The following LHPP variants were observed in gnomAD, a reference collection of about 807,000 sequenced individuals.
The protein encoded by LHPP is phospholysine phosphohistidine inorganic pyrophosphate phosphatase.
In LHPP, 24 loss-of-function variants were observed where a neutral mutation model predicts 30.3. The observed-to-expected ratio is 0.79, with a 90% CI of 0.57 to 1.11. LHPP has a LOEUF of 1.11. LHPP is among the 50% of genes most tolerant of loss of function. The pLI is 0.00. For synonymous variants in LHPP, 150 were observed against 157.1 expected, an observed-to-expected ratio of 0.95 and a Z score of 0.34; for missense variants, 356 against 367.2, an observed-to-expected ratio of 0.97 and a Z score of 0.25.
intron 1 of LHPP, among the ~76,000 whole-genome samples, chr10:124,468,497 C>T (rs1255464104): frequency 2.0e-5 from 3 of 152,176 alleles, no homozygotes; most frequent in Non-Finnish European, 4.4e-5. Context: ...CCTGCAGAAC[C>T]GATGGCCTGG....
Position 124,492,537 on chromosome 10 carries a change from T to C in LHPP, c.467+3962T>C, listed in dbSNP as rs935561438. ...TTGTTCTTGTAAAGCCTGCAACTGG[T>C]TGGATGTGGTCCACCCACATTGCGG... On this transcript the variant is annotated intron_variant, in intron 3 of 6. Coordinates refer to ENST00000368842, the MANE Select transcript of LHPP (RefSeq NM_022126.4). Among the ~76,000 whole-genome samples the C allele has an allele frequency of 3.3e-5, 5 of 152,152 alleles. No individual in the cohort carries two copies. The East Asian group carries it at 9.6e-4, about 29-fold the overall frequency.
At chr10:124,599,236 C>T (rs1948992033) in intron 6 of LHPP, among the ~76,000 whole-genome samples, 1 of 152,172 alleles carries the variant, frequency 6.6e-6, no homozygotes, top group Non-Finnish European at 1.5e-5. Flanking sequence ...CCTGTCCATC[C>T]CTGTGCATGC....
chr10:124,479,426 G>A (rs1038872024), intron 1 of LHPP, among the ~76,000 whole-genome samples: 87 of 152,356 alleles, frequency 5.7e-4, no homozygotes, highest in African/African-American at 1.6e-3. Flanking sequence ...CAGGCCCCAC[G>A]GAGGGATGAC....
In LHPP at chr10:124,613,663, T is replaced by G. The variant is rs1949232684; in HGVS notation, c.*303T>G. 4.3e-6 allele frequency: 2 copies of G among 468,324 alleles called. No individual in the cohort carries two copies. The highest frequency in any genetic ancestry group is 6.9e-5 in the Admixed American group (2 of 29,034). 29.0% of individuals were successfully genotyped at this position (468,324 alleles called of 1,614,324 possible). On this transcript the variant is annotated 3_prime_UTR_variant, in exon 7 of 7. Coordinates refer to ENST00000368842, the MANE Select transcript of LHPP (RefSeq NM_022126.4). ...GAAGTCCAGGAGGGTGGGACAGGCC[T>G]GTCAGGCCTCTGGGAATCTCCCAAA... is the stretch of plus-strand genomic sequence containing the variant.
rs936905807 is a variant in LHPP at position 124,517,935 on chromosome 10, G to A, written c.716+664G>A. ...GCCTTGCCTTATGCTAGATGGTTTC[G>A]ATTGTGGCCATTCAGAGAAAGTACA... On this transcript the variant is annotated intron_variant, in intron 6 of 6. Coordinates refer to ENST00000368842, the MANE Select transcript of LHPP (RefSeq NM_022126.4). The surrounding 1 kb of genome is among the most constrained non-coding windows in gnomAD (Gnocchi z 4.1). 2.6e-5 allele frequency among the ~76,000 whole-genome samples: 4 copies of A among 152,332 alleles called. No homozygotes were observed. Among genetic ancestry groups the A allele is most frequent in the South Asian group, 4.1e-4 (2 of 4,820 alleles).
At chr10:124,528,792 G>A (rs913718501) in intron 6 of LHPP, among the ~76,000 whole-genome samples, 3 of 138,446 alleles carry the variant, frequency 2.2e-5, no homozygotes, top group East Asian at 4.4e-4. Flanking sequence ...TTGAGGATGT[G>A]GGGGATCGAG....
At position 124,496,387 on chromosome 10, in the gene LHPP, G is replaced by A. The variant is rs1953709838; in HGVS notation, c.468-574G>A. Among the ~76,000 whole-genome samples the A allele has an allele frequency of 6.6e-6, 1 of 152,172 alleles. No individual in the cohort carries two copies. The highest frequency in any genetic ancestry group is 2.4e-5 in the African/African-American group (1 of 41,442). The stretch of plus-strand genomic sequence containing the variant: ...AGGAATGCTCCCTCGTGCAGAGCCT[G>A]TCTCCACCTCCATGAGACGGGAAGG... On this transcript the variant is annotated intron_variant, in intron 3 of 6. Coordinates refer to ENST00000368842, the MANE Select transcript of LHPP (RefSeq NM_022126.4). The surrounding 1 kb of genome is among the most constrained non-coding windows in gnomAD (Gnocchi z 4.3).
intron 6 of LHPP, among the ~76,000 whole-genome samples, chr10:124,594,275 A>G (rs1206245005): frequency 2.9e-5 from 4 of 136,076 alleles, no homozygotes; most frequent in African/African-American, 8.0e-5. Context: ...GGTTGTAGTG[A>G]GCCAAGATCA....
rs923093502 is a variant in LHPP at position 124,507,087 on chromosome 10, G to A, written c.624+8959G>A. 1.1e-3 allele frequency among the ~76,000 whole-genome samples: 23 copies of A among 21,874 alleles called. 3 individuals carry two copies. The highest frequency in any genetic ancestry group is 1.1e-3 in the Non-Finnish European group (15 of 13,386). The allele number at this position is 21,874 out of a possible 152,430, so 14.4% of individuals were successfully genotyped here. On this transcript the variant is annotated intron_variant, in intron 5 of 6. Coordinates refer to ENST00000368842, the MANE Select transcript of LHPP (RefSeq NM_022126.4). ...AGGGGTAGACAGGATTTCAGGTGGG[G>A]GGGTAGGGAGGATTTCAGGTGCAGG...
At chr10:124,508,486 A>C (rs867036714) in intron 5 of LHPP, among the ~76,000 whole-genome samples, 7 of 152,090 alleles carry the variant, frequency 4.6e-5, no homozygotes, top group Non-Finnish European at 7.4e-5. Context: ...CGGGAGTTGC[A>C]GGAGCTTCCG....
chr10:124,527,056 G>A (rs894500687), intron 6 of LHPP, among the ~76,000 whole-genome samples: 2 of 152,268 alleles, frequency 1.3e-5, no homozygotes, highest in Admixed American at 6.5e-5. Context: ...GCCAGAGCCT[G>A]CCCGCCACAG....
At chr10:124,497,384 G>C (rs955680564) in intron 4 of LHPP, among the ~76,000 whole-genome samples, 9 of 152,054 alleles carry the variant, frequency 5.9e-5, no homozygotes, top group African/African-American at 2.2e-4. Context: ...TGTGGCTTCT[G>C]TATCAGTGCT....
At chr10:124,572,371 C>T (rs1164246115) in intron 6 of LHPP, among the ~76,000 whole-genome samples, 1 of 152,028 alleles carries the variant, frequency 6.6e-6, no homozygotes, top group South Asian at 2.1e-4. Flanking sequence ...TGGCTCACGC[C>T]TGTAATCCCA....
intron 6 of LHPP, among the ~76,000 whole-genome samples, chr10:124,550,456 G>A (rs1326271369): frequency 6.6e-6 from 1 of 152,234 alleles, no homozygotes; most frequent in African/African-American, 2.4e-5. Flanking sequence ...CAAAGTGAGT[G>A]CGCCTGCTTT....
In LHPP at chr10:124,517,286, G is replaced by A. The variant is rs1259749367; in HGVS notation, c.716+15G>A. ...GGGAAGTTCAGGTCAGTGCCAGCTG[G>A]AGTCATTTATTCACCTTCCTTCCAG... On this transcript the variant is annotated intron_variant, in intron 6 of 6. Transcript: ENST00000368842. This position sits in a 1 kb window ranked among gnomAD's most constrained non-coding sequence, Gnocchi z 4.1. The A allele has an allele frequency of 1.9e-6, 3 of 1,539,662 alleles. No homozygotes were observed. The highest frequency in any genetic ancestry group is 2.0e-5 in the Admixed American group (1 of 50,164).
chr10:124,488,605 C>T (rs139322604), intron 3 of LHPP, 30 bp downstream of exon 3: 123 of 1,587,638 alleles, frequency 7.7e-5, no homozygotes, highest in Non-Finnish European at 1.0e-4. Context: ...AGTCATTTCT[C>T]GGTGCTTTAG....
At chr10:124,605,669 C>T (rs1251081460) in intron 6 of LHPP, among the ~76,000 whole-genome samples, 5 of 152,046 alleles carry the variant, frequency 3.3e-5, no homozygotes, top group East Asian at 1.9e-4. Flanking sequence ...GGGAGGTCCG[C>T]AGGTGGGGCC....
At chr10:124,472,275 T>G (rs1340755278) in intron 1 of LHPP, among the ~76,000 whole-genome samples, 6 of 152,154 alleles carry the variant, frequency 3.9e-5, no homozygotes, top group Admixed American at 6.5e-5. Flanking sequence ...ATTGTGCTAC[T>G]GCACCCCAGC....
chr10:124,535,073 T>A (rs1315100417), intron 6 of LHPP, among the ~76,000 whole-genome samples: 1 of 152,232 alleles, frequency 6.6e-6, no homozygotes. Context: ...TTAACTTCTC[T>A]GTGCCTCAGC....
Sources: gnomAD v4.1 joint callset for allele counts (sites outside exome capture counted in the v4.1 genomes callset) on GRCh38, gnomAD v4.1.1 for gene constraint, Gnocchi (gnomAD v3.1) non-coding constraint, MANE v1.5 for transcripts, NCBI Gene and HGNC (gene_info 2026-07-23, HGNC 2026-07-21) for gene names.